The following IZUMO2 variants were observed in gnomAD, a reference collection of about 807,000 sequenced individuals.
IZUMO2 encodes izumo sperm-egg fusion protein 2.
A neutral mutation model predicts 31.2 loss-of-function variants in IZUMO2; 24 were observed. That is an observed-to-expected ratio of 0.77 (90% CI 0.56 to 1.08). The LOEUF (loss-of-function observed/expected upper bound fraction) is 1.08. Among genes scored for constraint, IZUMO2 ranks in the 50% least tolerant of loss-of-function variants. The probability of loss-of-function intolerance (pLI) is 0.00; values close to 1 mark genes in which losing one functional copy is unlikely to be tolerated. For synonymous variants in IZUMO2, 144 were observed against 117.3 expected (o/e 1.23, Z -1.47); for missense variants, 278 against 274.0 (o/e 1.01, Z -0.10).
At chr19:50,158,418 A>G in intron 4 of IZUMO2, 70 bp from the exon 5 acceptor site, 1 of 1,059,226 alleles carries the variant, frequency 9.4e-7, no homozygotes, top group South Asian at 1.4e-5. Context: ...GGAAAGGAAG[A>G]AGGAGAAAGA....
chr19:50,155,069 G>A (rs965192540), intron 5 of IZUMO2, among the ~76,000 whole-genome samples: 4 of 152,132 alleles, frequency 2.6e-5, no homozygotes, highest in African/African-American at 9.7e-5. Flanking sequence ...GGGATGGGGT[G>A]GGGTGAGGAG....
intron 6 of IZUMO2, among the ~76,000 whole-genome samples, chr19:50,153,196 G>C (rs2030085248): frequency 6.6e-6 from 1 of 152,126 alleles, no homozygotes; most frequent in Non-Finnish European, 1.5e-5. Context: ...CAGAGGAAGG[G>C]ATTAGAAGGG....
At chr19:50,153,488 C>T (rs1279124453) in intron 6 of IZUMO2, among the ~76,000 whole-genome samples, 1 of 152,112 alleles carries the variant, frequency 6.6e-6, no homozygotes, top group Non-Finnish European at 1.5e-5. Context: ...GGAGCACTCC[C>T]CATGCGCTAA....
intron 2 of IZUMO2, among the ~76,000 whole-genome samples, chr19:50,161,916 C>G (rs568364587): frequency 2.6e-5 from 4 of 152,336 alleles, no homozygotes; most frequent in Admixed American, 1.3e-4. Context: ...CCGCTCCCCC[C>G]CAAAAAAATT....
chr19:50,155,791 C>G (rs566479854), intron 5 of IZUMO2, among the ~76,000 whole-genome samples: 3 of 152,164 alleles, frequency 2.0e-5, no homozygotes, highest in Non-Finnish European at 4.4e-5. Context: ...CATGGCCCCC[C>G]ATCTCAGAAT....
chr19:50,158,815 G>C (rs972856193), intron 4 of IZUMO2, among the ~76,000 whole-genome samples: 1 of 152,064 alleles, frequency 6.6e-6, no homozygotes, highest in African/African-American at 2.4e-5. Context: ...TTCCAGGCTT[G>C]GCTATACAAC....
rs2030129784 is a variant in IZUMO2, at chr19:50,154,264, G to GTTTTTTTGTT, written c.623+335_623+336insAACAAAAAAA. On this transcript the variant is annotated intron_variant, in intron 6 of 6. Transcript: ENST00000293405. ...GCATCCACCAAATATAACTTTTAGC[G>GTTTTTTTGTT]TTTTTTTTTTTTTTTTTTTTTTTTT... 2.0e-4 allele frequency among the ~76,000 whole-genome samples: 16 copies of GTTTTTTTGTT among 79,280 alleles called. 7 individuals carry two copies. The highest frequency in any genetic ancestry group is 2.3e-4 in the African/African-American group (5 of 21,566). 52.0% of individuals were successfully genotyped at this position (79,280 alleles called of 152,430 possible).
Position 50,159,484 on chromosome 19 carries a change from T to C in IZUMO2, c.394+10A>G. The C allele has an allele frequency of 1.9e-6, 3 of 1,576,400 alleles. No individual in the cohort carries two copies. The South Asian group carries it at 3.3e-5, about 17-fold the overall frequency. On this transcript the variant is annotated intron_variant, in intron 3 of 6. Coordinates refer to ENST00000293405, the MANE Select transcript of IZUMO2 (RefSeq NM_152358.3). ...AGAGGAGAGGGGATTGGTGGAGAGA[T>C]ATGCTGCACCTTTTAATTCATATGA...
In IZUMO2 at chr19:50,152,567, ATTAAAT is replaced by A; in HGVS notation, c.*36_*41del. The stretch of plus-strand genomic sequence containing the variant: ...CATTGATGGATTTGTCACCAATTTT[ATTAAAT>A]TTATTTTCCTTTCTCCTTACCCCCA... On this transcript the variant is annotated 3_prime_UTR_variant, in exon 7 of 7. Coordinates refer to ENST00000293405, the MANE Select transcript of IZUMO2 (RefSeq NM_152358.3). 1 of 1,562,802 alleles carries A rather than the reference ATTAAAT, an allele frequency of 6.4e-7. No individual in the cohort carries two copies. Among genetic ancestry groups the A allele is most frequent in the Non-Finnish European group, 8.8e-7 (1 of 1,133,682 alleles).
chr19:50,159,614 G>A (rs2030330018), intron 2 of IZUMO2, 34 bp from the exon 3 acceptor site: 1 of 1,430,358 alleles, frequency 7.0e-7, no homozygotes, highest in African/African-American at 1.4e-5. Flanking sequence ...TGGGGTGGGA[G>A]GCACCCAGAA....
At chr19:50,156,142 T>C (rs926041630) in intron 5 of IZUMO2, among the ~76,000 whole-genome samples, 6 of 152,202 alleles carry the variant, frequency 3.9e-5, no homozygotes, top group African/African-American at 1.4e-4. Flanking sequence ...GGATCAAGCC[T>C]GTTTATTTGT....
intron 1 of IZUMO2, 71 bp downstream of exon 1, chr19:50,162,892 G>T (rs1301954637): frequency 1.2e-6 from 2 of 1,602,910 alleles, no homozygotes; most frequent in African/African-American, 1.3e-5. Context: ...GCCTGGCCCC[G>T]ACCCCTCTTG....
chr19:50,158,027 C>G (rs1286936966), intron 5 of IZUMO2, among the ~76,000 whole-genome samples: 1 of 151,970 alleles, frequency 6.6e-6, no homozygotes, highest in Non-Finnish European at 1.5e-5. Flanking sequence ...AAATCTTTTT[C>G]TAGCACCTGC....
rs1449127425 is a variant in IZUMO2 at position 50,163,260 on chromosome 19, C to A, written c.-66G>T. 1.7e-6 allele frequency: 2 copies of A among 1,184,844 alleles called. No homozygotes were observed. Among genetic ancestry groups the A allele is most frequent in the African/African-American group, 1.5e-5 (1 of 64,708 alleles). 73.4% of individuals were successfully genotyped at this position (1,184,844 alleles called of 1,614,324 possible). On this transcript the variant is annotated 5_prime_UTR_variant, in exon 1 of 7. Coordinates refer to ENST00000293405, the MANE Select transcript of IZUMO2 (RefSeq NM_152358.3). ...CCCGCCTCCCAGGCGAGGGCGCGGT[C>A]AGGAGGCCCAGGGAGCATCACGGTG...
intron 5 of IZUMO2, among the ~76,000 whole-genome samples, chr19:50,156,001 CACTT>C (rs2030201606): frequency 6.6e-6 from 1 of 152,166 alleles, no homozygotes; most frequent in African/African-American, 2.4e-5. Flanking sequence ...TCCCATCACT[CACTT>C]ACTTCCTTCA....
chr19:50,154,170 CA>C (rs879921339), intron 6 of IZUMO2, among the ~76,000 whole-genome samples: 4 of 148,064 alleles, frequency 2.7e-5, no homozygotes, highest in Non-Finnish European at 5.9e-5. Flanking sequence ...ATGAATATAA[CA>C]ACAGTAATTA....
chr19:50,163,227 C>T lies in IZUMO2; in HGVS notation c.-33G>A, dbSNP rs374316301. On this transcript the variant is annotated 5_prime_UTR_variant, in exon 1 of 7. Coordinates refer to ENST00000293405, the MANE Select transcript of IZUMO2 (RefSeq NM_152358.3). ...CCTTTGTGACGTCACAGAGAGAACC[C>T]GGCCCGCCCCGCCTCCCAGGCGAGG... 4.1e-4 allele frequency: 623 copies of T among 1,504,448 alleles called. 4 individuals are homozygous for T. The African/African-American group carries it at 7.8e-3, about 19-fold the overall frequency. The allele number at this position is 1,504,448 out of a possible 1,614,324, so 93.2% of individuals were successfully genotyped here.
intron 2 of IZUMO2, among the ~76,000 whole-genome samples, chr19:50,162,285 A>C (rs542500751): frequency 2.0e-5 from 3 of 151,928 alleles, no homozygotes; most frequent in Non-Finnish European, 4.4e-5. Context: ...CGTCTCAAAA[A>C]ATAAAAATAA....
At chr19:50,161,474 CA>C (rs2030399247) in intron 2 of IZUMO2, among the ~76,000 whole-genome samples, 1 of 152,148 alleles carries the variant, frequency 6.6e-6, no homozygotes, top group African/African-American at 2.4e-5. Flanking sequence ...TGACTGGCAA[CA>C]AATCCTGTTT....
Sources: allele counts gnomAD v4.1 joint callset (sites outside exome capture counted in the v4.1 genomes callset), GRCh38; gene constraint gnomAD v4.1.1; transcripts MANE v1.5; gene names NCBI Gene and HGNC (gene_info 2026-07-23, HGNC 2026-07-21).